Variants in SHOC1 observed in about 807,000 individuals in gnomAD.
The protein encoded by SHOC1 is shortage in chiasmata 1, also known as protein shortage in chiasmata 1 ortholog.
Under a neutral mutation model 179.2 loss-of-function variants are expected in SHOC1, and 136 were observed. The observed-to-expected ratio is 0.76, with a 90% CI of 0.66 to 0.87. The LOEUF is 0.87. Ranked by LOEUF, SHOC1 falls within the 40% of genes least tolerant of loss-of-function variation. The probability of loss-of-function intolerance (pLI) is 0.00; values close to 1 mark genes in which losing one functional copy is unlikely to be tolerated. For synonymous variants in SHOC1, 489 were observed against 586.6 expected (o/e 0.83, Z 2.41); for missense variants, 1,538 against 1,700.8 (o/e 0.90, Z 1.68).
intron 5 of SHOC1, among the ~76,000 whole-genome samples, chr9:111,760,078 C>T (rs183614591): frequency 3.9e-5 from 6 of 152,184 alleles, no homozygotes; most frequent in Admixed American, 3.3e-4. Context: ...TAGTAAAAAC[C>T]CAAACAGCAT....
chr9:111,782,402 T>G (rs1411260435), intron 3 of SHOC1, among the ~76,000 whole-genome samples: 2 of 152,128 alleles, frequency 1.3e-5, no homozygotes, highest in African/African-American at 4.8e-5. Flanking sequence ...GTTGTAAAGA[T>G]TAAATGTAAT....
At chr9:111,781,749 T>TG (rs1190988774) in intron 3 of SHOC1, among the ~76,000 whole-genome samples, 1 of 151,448 alleles carries the variant, frequency 6.6e-6, no homozygotes, top group Non-Finnish European at 1.5e-5. Flanking sequence ...AATAAATAAA[T>TG]AAATTTGTAT....
At chr9:111,742,218 C>T (rs1834076892) in intron 10 of SHOC1, among the ~76,000 whole-genome samples, 1 of 152,164 alleles carries the variant, frequency 6.6e-6, no homozygotes, top group African/African-American at 2.4e-5. Context: ...CTAGCGTCAA[C>T]CTTATACGCC....
chr9:111,751,863 G>T (rs961572481), intron 8 of SHOC1, among the ~76,000 whole-genome samples: 3 of 152,122 alleles, frequency 2.0e-5, no homozygotes, highest in Non-Finnish European at 4.4e-5. Flanking sequence ...ACATTTCAGA[G>T]ATATTAATAG....
chr9:111,783,508 G>A (rs1039424165), intron 3 of SHOC1: 2 of 152,178 alleles, frequency 1.3e-5, no homozygotes, highest in African/African-American at 4.8e-5. Flanking sequence ...TTCTATGCCA[G>A]AATCATTTGA....
chr9:111,788,916 T>C (rs1297860346), intron 2 of SHOC1, among the ~76,000 whole-genome samples: 1 of 152,194 alleles, frequency 6.6e-6, no homozygotes, highest in Non-Finnish European at 1.5e-5. Context: ...TAGACTAGTC[T>C]CTTCACTACC....
intron 8 of SHOC1, among the ~76,000 whole-genome samples, chr9:111,754,903 A>G (rs1834786636): frequency 1.3e-5 from 2 of 152,208 alleles, no homozygotes; most frequent in Non-Finnish European, 2.9e-5. Flanking sequence ...GCAAATCTAT[A>G]TAGTTTTACT....
rs1834097456 is a variant in SHOC1, at chr9:111,742,675, T to A, written c.1080-1105A>T. 2.6e-5 allele frequency among the ~76,000 whole-genome samples: 4 copies of A among 152,186 alleles called. No individual in the cohort carries two copies. The South Asian group carries it at 8.3e-4, about 31-fold the overall frequency. On this transcript the variant is annotated intron_variant, in intron 10 of 27. Transcript: ENST00000682961. Reference sequence around the variant, plus strand: ...TGTTTCTCTGTTCATATGGAACATATATGAGCATGCTAATTATAAGTATTG... The same window carrying A: ...TGTTTCTCTGTTCATATGGAACATAAATGAGCATGCTAATTATAAGTATTG...
intron 9 of SHOC1, among the ~76,000 whole-genome samples, chr9:111,746,669 T>TA (rs1185188079): frequency 1.3e-5 from 2 of 151,754 alleles, no homozygotes; most frequent in East Asian, 1.9e-4. Flanking sequence ...CCTTTGTCTC[T>TA]AAAAAAAATA....
At chr9:111,755,363 T>G (rs958592900) in intron 8 of SHOC1, among the ~76,000 whole-genome samples, 1 of 152,180 alleles carries the variant, frequency 6.6e-6, no homozygotes, top group Non-Finnish European at 1.5e-5. Context: ...ATTCCCTGAT[T>G]TAGTTTTAAT....
intron 11 of SHOC1, among the ~76,000 whole-genome samples, chr9:111,739,761 T>C (rs1039257657): frequency 6.6e-5 from 10 of 152,186 alleles, no homozygotes; most frequent in African/African-American, 2.4e-4. Flanking sequence ...AATTTCAATA[T>C]ATGATCTGAT....
chr9:111,748,096 T>G lies in SHOC1; in HGVS notation c.966A>C (p.Lys322Asn). ...QSQSEPEECS[K>N]PGELEMPLTP... is the part of the protein sequence containing the mutation. ...ATGATTTATCAAAATTTCTACCTGG[T>G]TTACTGCACTCTTCTGGTTCACTCT... is the stretch of plus-strand genomic sequence containing the variant. The change falls in exon 9 of 28, where the codon AAA becomes AAC. Residue 322 changes from lysine to asparagine, a missense_variant. Physicochemically the swap from Lys to Asn is moderately conservative, Grantham distance 94. Coordinates refer to ENST00000682961, the MANE Select transcript of SHOC1 (RefSeq NM_001378211.1). 1.2e-6 allele frequency: 2 copies of G among 1,610,020 alleles called. No individual in the cohort carries two copies. Among genetic ancestry groups the G allele is most frequent in the Non-Finnish European group, 1.7e-6 (2 of 1,176,908 alleles).
intron 4 of SHOC1, among the ~76,000 whole-genome samples, chr9:111,779,973 G>A (rs1050607280): frequency 2.0e-5 from 3 of 152,174 alleles, no homozygotes; most frequent in Admixed American, 6.5e-5. Context: ...TTTTCACTAT[G>A]CCTTTCTGCT....
rs531630759 is a variant in SHOC1, at chr9:111,765,116, G to A, written c.443-6268C>T. On this transcript the variant is annotated intron_variant, in intron 5 of 27. Transcript: ENST00000682961. The stretch of plus-strand genomic sequence containing the variant: ...AGATCACGCCACTGCACTCCAGCCT[G>A]GGCAACAGAGCAAGACTCCGTCTCA... Among the ~76,000 whole-genome samples the A allele has an allele frequency of 8.6e-5, 13 of 151,060 alleles. 1 individual carries two copies. Among genetic ancestry groups the A allele is most frequent in the African/African-American group, 2.2e-4 (9 of 41,114 alleles).
chr9:111,786,524 T>C (rs2131645154), intron 2 of SHOC1, among the ~76,000 whole-genome samples: 1 of 151,070 alleles, frequency 6.6e-6, no homozygotes, highest in Non-Finnish European at 1.5e-5. Flanking sequence ...TTTTTTTTTT[T>C]TTTTACAAAT....
chr9:111,775,058 C>T (rs917282438), intron 5 of SHOC1, among the ~76,000 whole-genome samples: 11 of 151,878 alleles, frequency 7.2e-5, no homozygotes, highest in Non-Finnish European at 1.0e-4. Context: ...TGCAGTGGCG[C>T]GATCTCGGTT....
rs191400248 is a variant in SHOC1, at chr9:111,713,378, T to C, written c.2416-206A>G. Among the ~76,000 whole-genome samples the C allele has an allele frequency of 2.6e-5, 4 of 152,274 alleles. No individual in the cohort carries two copies. In the East Asian group the frequency reaches 7.7e-4, roughly 29 times the overall value. The stretch of plus-strand genomic sequence containing the variant: ...GATCAAATATCAGTGAAGAAAATAT[T>C]TTGGGATAGGGCATTCTTAGCATTC... On this transcript the variant is annotated intron_variant, in intron 17 of 27. Transcript: ENST00000682961.
In SHOC1 at chr9:111,741,515, C is replaced by T; in HGVS notation, c.1135G>A (p.Glu379Lys). 6.2e-7 allele frequency: 1 copy of T among 1,612,540 alleles called. No individual in the cohort carries two copies. Among genetic ancestry groups the T allele is most frequent in the Middle Eastern group, 1.7e-4 (1 of 6,054 alleles). The change falls in exon 11 of 28, where the codon GAA (glutamate) becomes AAA (lysine). Residue 379 changes from glutamate to lysine, a missense_variant. Glu to Lys is a moderately conservative substitution (Grantham distance 56, BLOSUM62 1). Transcript: ENST00000682961. Reference protein sequence around the residue: ...ANEYYMMWQLERCRSPLNPFL... With the variant: ...ANEYYMMWQLKRCRSPLNPFL... Reference sequence around the variant, plus strand: ...GGGTTCAAAGGGCTTCTACATCTTTCTAATTGCCACATCATGTAGTATTCA... The same window carrying T: ...GGGTTCAAAGGGCTTCTACATCTTTTTAATTGCCACATCATGTAGTATTCA...
At chr9:111,725,566 C>G (rs1833261711) in intron 13 of SHOC1, among the ~76,000 whole-genome samples, 1 of 152,162 alleles carries the variant, frequency 6.6e-6, no homozygotes, top group African/African-American at 2.4e-5. Context: ...ATAGAAAAAC[C>G]AAGGAGAATT....
Sources: gnomAD v4.1 joint callset for allele counts (sites outside exome capture counted in the v4.1 genomes callset) on GRCh38, gnomAD v4.1.1 for gene constraint, MANE v1.5 for transcripts, NCBI Gene and HGNC (gene_info 2026-07-23, HGNC 2026-07-21) for gene names.